The following CHN1 variants were observed in gnomAD, a reference collection of about 807,000 sequenced individuals.
CHN1 encodes the protein chimerin 1.
CHN1 carries 37 observed loss-of-function variants against 59.5 expected under a neutral mutation model. The ratio of observed to expected loss-of-function variants is 0.62; its 90% CI spans 0.48 to 0.82. CHN1 has a LOEUF of 0.82. CHN1 is among the 40% of genes least tolerant of loss of function. The pLI is 0.00. For synonymous variants in CHN1, 206 were observed against 200.4 expected (o/e 1.03, Z -0.24); for missense variants, 469 against 571.0 (o/e 0.82, Z 1.82).
At chr2:174,964,113 G>A (rs1191155360) in intron 1 of CHN1, among the ~76,000 whole-genome samples, 1 of 152,186 alleles carries the variant, frequency 6.6e-6, no homozygotes, top group African/African-American at 2.4e-5. Flanking sequence ...ACAGCAGGGA[G>A]AGAGAGGATG....
chr2:174,993,531 G>C (rs998806000), intron 1 of CHN1, among the ~76,000 whole-genome samples: 5 of 151,790 alleles, frequency 3.3e-5, no homozygotes, highest in Non-Finnish European at 7.4e-5. Context: ...TGGAAGGGGA[G>C]CATACAGAGA....
At chr2:174,992,580 C>T (rs1246424353) in intron 1 of CHN1, among the ~76,000 whole-genome samples, 2 of 152,356 alleles carry the variant, frequency 1.3e-5, no homozygotes, top group East Asian at 1.9e-4. Flanking sequence ...TGGATACTGG[C>T]TCCTAATGGA....
chr2:174,987,756 G>A (rs1247394669), intron 1 of CHN1, among the ~76,000 whole-genome samples: 1 of 152,022 alleles, frequency 6.6e-6, no homozygotes, highest in African/African-American at 2.4e-5. Context: ...CTTTTACAGA[G>A]GTAAGTAAGG....
At chr2:174,836,637 AG>A (rs1053542914) in intron 7 of CHN1, among the ~76,000 whole-genome samples, 5 of 152,176 alleles carry the variant, frequency 3.3e-5, no homozygotes, top group African/African-American at 1.2e-4. Context: ...AATCTTGTAG[AG>A]GGCACTGCTT....
intron 12 of CHN1, among the ~76,000 whole-genome samples, chr2:174,800,800 G>A (rs1242769176): frequency 6.6e-6 from 1 of 152,202 alleles, no homozygotes; most frequent in Non-Finnish European, 1.5e-5. Flanking sequence ...CCACTGCACA[G>A]TAACACAGAA....
intron 6 of CHN1, among the ~76,000 whole-genome samples, chr2:174,849,965 G>A (rs1686674903): frequency 6.6e-6 from 1 of 152,188 alleles, no homozygotes; most frequent in Non-Finnish European, 1.5e-5. Context: ...CAATTTTGAG[G>A]AGTAGGAATA....
At chr2:174,884,044 TGCAA>T (rs938332017) in intron 5 of CHN1, among the ~76,000 whole-genome samples, 9 of 150,456 alleles carry the variant, frequency 6.0e-5, no homozygotes, top group African/African-American at 9.8e-5. Context: ...CTCAGCTCAC[TGCAA>T]GCTCCGCCTC....
At chr2:174,898,177 GC>G (rs1688277430) in intron 5 of CHN1, among the ~76,000 whole-genome samples, 1 of 152,250 alleles carries the variant, frequency 6.6e-6, no homozygotes, top group East Asian at 1.9e-4. Context: ...AAATTTGGGT[GC>G]CACACACAGG....
chr2:174,868,373 A>T (rs1011347332), intron 6 of CHN1, among the ~76,000 whole-genome samples: 1 of 152,126 alleles, frequency 6.6e-6, no homozygotes, highest in African/African-American at 2.4e-5. Context: ...AAGAAACACT[A>T]CACCTCTAGA....
chr2:174,915,332 T>A (rs1688815869), intron 4 of CHN1, 161 bp from the exon 5 acceptor site: 1 of 619,854 alleles, frequency 1.6e-6, no homozygotes. Flanking sequence ...CTTGTGTTTC[T>A]CTGGACCTGG....
At chr2:174,813,606 A>AT (rs1471423092) in intron 8 of CHN1, among the ~76,000 whole-genome samples, 1 of 152,226 alleles carries the variant, frequency 6.6e-6, no homozygotes, top group Non-Finnish European at 1.5e-5. Context: ...AGGAATACAA[A>AT]TATTTTGTTA....
intron 1 of CHN1, among the ~76,000 whole-genome samples, chr2:174,987,072 C>T (rs1320125722): frequency 1.3e-5 from 2 of 152,128 alleles, no homozygotes; most frequent in Non-Finnish European, 2.9e-5. Flanking sequence ...TTTTCTCCAG[C>T]TTACTTTATT....
chr2:174,802,062 G>A (rs553413416), intron 11 of CHN1: 28 of 357,524 alleles, frequency 7.8e-5, no homozygotes, highest in Non-Finnish European at 1.2e-4. Flanking sequence ...TTTGTCACTT[G>A]AGTATCTTGG....
In CHN1 at chr2:174,912,693, A is replaced by G. The variant is rs901844769; in HGVS notation, c.260+2365T>C. On this transcript the variant is annotated intron_variant, in intron 5 of 12. Coordinates refer to ENST00000409900, the MANE Select transcript of CHN1 (RefSeq NM_001822.7). The stretch of plus-strand genomic sequence containing the variant: ...AGTATCAGATAAGAATAATACATAT[A>G]TCGGTGCAACTTCTATTTCAGACTT... 7.9e-5 allele frequency among the ~76,000 whole-genome samples: 12 copies of G among 152,312 alleles called. No individual in the cohort carries two copies. In the East Asian group the frequency reaches 2.1e-3, roughly 27 times the overall value.
chr2:174,799,904 A>AC lies in CHN1; in HGVS notation c.*211dup, dbSNP rs1242710598. On this transcript the variant is annotated 3_prime_UTR_variant, in exon 13 of 13. Coordinates refer to ENST00000409900, the MANE Select transcript of CHN1 (RefSeq NM_001822.7). ...GCTTGAGTTTCTCTGAACGTGATAAACACCCAGGATTACTAGAACCAGAAA... is the reference window on the plus strand; with the variant it reads ...GCTTGAGTTTCTCTGAACGTGATAAACCACCCAGGATTACTAGAACCAGAAA... 4.6e-6 allele frequency: 3 copies of AC among 654,524 alleles called. No homozygotes were observed. Among genetic ancestry groups the AC allele is most frequent in the South Asian group, 4.5e-5 (3 of 66,278 alleles). The allele number at this position is 654,524 out of a possible 1,614,324, so 40.5% of individuals were successfully genotyped here.
intron 6 of CHN1, among the ~76,000 whole-genome samples, chr2:174,874,707 G>A (rs1178063029): frequency 2.0e-5 from 3 of 152,068 alleles, no homozygotes; most frequent in Admixed American, 6.5e-5. Context: ...AAAATTTCCC[G>A]AAGTGGGTTT....
In CHN1 at chr2:174,809,031, C is replaced by T; in HGVS notation, c.976G>A (p.Ala326Thr). Residue 326 changes from alanine (A) to threonine (T), a missense_variant, in exon 11 of 13, where the codon GCA becomes ACA. Transcript: ENST00000409900. ...KMAFDRDGEKADISVNMYEDI... is the reference protein window; with the variant it reads ...KMAFDRDGEKTDISVNMYEDI... ...TCATACATGTTCACAGAAATATCTG[C>T]CTTCTCACCATCTTTTAAGGATGTT... 2 of 1,606,870 alleles carry T rather than the reference C, an allele frequency of 1.2e-6. No homozygotes were observed. Among genetic ancestry groups the T allele is most frequent in the Non-Finnish European group, 1.7e-6 (2 of 1,176,122 alleles).
At chr2:174,803,599 G>A (rs1684796902) in intron 11 of CHN1, among the ~76,000 whole-genome samples, 1 of 152,198 alleles carries the variant, frequency 6.6e-6, no homozygotes, top group African/African-American at 2.4e-5. Context: ...CTGTCACCCA[G>A]GCTGAAGTGC....
chr2:174,942,933 C>A (rs1358870218), intron 3 of CHN1, among the ~76,000 whole-genome samples: 1 of 151,910 alleles, frequency 6.6e-6, no homozygotes, highest in Non-Finnish European at 1.5e-5. Context: ...TGCCTGTAGT[C>A]CCAGCTACTT....
Sources: gnomAD v4.1 joint callset for allele counts (sites outside exome capture counted in the v4.1 genomes callset) on GRCh38, gnomAD v4.1.1 for gene constraint, MANE v1.5 for transcripts, NCBI Gene and HGNC (gene_info 2026-07-23, HGNC 2026-07-21) for gene names.